The following DOCK5 variants were observed in gnomAD, a reference collection of about 807,000 sequenced individuals.
DOCK5 encodes the protein dedicator of cytokinesis protein 5.
A neutral mutation model predicts 251.8 loss-of-function variants in DOCK5; 142 were observed. The observed-to-expected ratio is 0.56, with a 90% CI of 0.49 to 0.65. The LOEUF is 0.65. DOCK5 is among the 30% of genes least tolerant of loss of function. The pLI, the probability that DOCK5 is intolerant of heterozygous loss-of-function variation, is 0.00. For missense variants in DOCK5, 2,111 were observed against 2,312.3 expected (o/e 0.91, Z 1.79); for synonymous variants, 842 against 835.5 (o/e 1.01, Z -0.13).
At chr8:25,341,541 G>A (rs1586344229) in intron 23 of DOCK5, among the ~76,000 whole-genome samples, 198 bp from the exon 24 acceptor site, 1 of 152,154 alleles carries the variant, frequency 6.6e-6, no homozygotes, top group Non-Finnish European at 1.5e-5. Context: ...CCAGAAAGCT[G>A]TACCCCCTGG....
At position 25,332,707 on chromosome 8, in the gene DOCK5, A is replaced by G. The variant is rs1029780617; in HGVS notation, c.2091+15A>G. 7 of 1,585,436 alleles carry G rather than the reference A, an allele frequency of 4.4e-6. No homozygotes were observed. Among genetic ancestry groups the G allele is most frequent in the Non-Finnish European group, 6.0e-6 (7 of 1,162,198 alleles). ...TTGACGCACTGGTAAGCAGTTAAAC[A>G]TATTAACTAGTGTTTATTGTTGCAA... On this transcript the variant is annotated intron_variant, in intron 20 of 51. Transcript: ENST00000276440.
At chr8:25,274,480 G>A (rs184011649) in intron 3 of DOCK5, among the ~76,000 whole-genome samples, 46 of 152,314 alleles carry the variant, frequency 3.0e-4, no homozygotes, top group African/African-American at 1.1e-3. Context: ...TCACATCTGG[G>A]ACTTGCTTCC....
intron 48 of DOCK5, among the ~76,000 whole-genome samples, chr8:25,405,064 G>A (rs1801500219): frequency 6.6e-6 from 1 of 151,980 alleles, no homozygotes; most frequent in Admixed American, 6.6e-5. Context: ...CTGTTGAATT[G>A]TTGGCCCTTT....
chr8:25,357,373 C>CTTTTT (rs397891518), intron 27 of DOCK5, among the ~76,000 whole-genome samples: 4 of 92,626 alleles, frequency 4.3e-5, no homozygotes, highest in African/African-American at 1.2e-4. Flanking sequence ...AAAAAATAAA[C>CTTTTT]TTTTTTTTTT....
chr8:25,282,432 T>G (rs1275521676), intron 5 of DOCK5, among the ~76,000 whole-genome samples: 1 of 152,310 alleles, frequency 6.6e-6, no homozygotes, highest in East Asian at 1.9e-4. Flanking sequence ...TGTTTTTGCT[T>G]TCTGATTCTG....
At position 25,184,836 on chromosome 8, in the gene DOCK5, G is replaced by T; in HGVS notation, c.-73G>T. The T allele has an allele frequency of 1.6e-6, 2 of 1,243,216 alleles. No individual in the cohort carries two copies. The highest frequency in any genetic ancestry group is 2.0e-6 in the Non-Finnish European group (2 of 978,504). The allele number at this position is 1,243,216 out of a possible 1,614,324, so 77.0% of individuals were successfully genotyped here. On this transcript the variant is annotated 5_prime_UTR_variant, in exon 1 of 52. Transcript: ENST00000276440. ...AAGCGTCTGGGGCACGCAGGAGCGC[G>T]GGGCGGCGGCGGCCGGAGCCCGAGG...
At chr8:25,370,620 T>C (rs537578422) in intron 34 of DOCK5, among the ~76,000 whole-genome samples, 2 of 152,064 alleles carry the variant, frequency 1.3e-5, no homozygotes, top group Non-Finnish European at 2.9e-5. Flanking sequence ...TCCTCCCGCC[T>C]CAGACTCCCA....
At chr8:25,275,044 G>T (rs1433674303) in intron 3 of DOCK5, among the ~76,000 whole-genome samples, 1 of 152,078 alleles carries the variant, frequency 6.6e-6, no homozygotes, top group Non-Finnish European at 1.5e-5. Context: ...TGAAACTTAT[G>T]GGAAGCATCT....
At chr8:25,392,116 A>C (rs1292031655) in intron 43 of DOCK5, 136 bp downstream of exon 43, 1 of 793,476 alleles carries the variant, frequency 1.3e-6, no homozygotes, top group Non-Finnish European at 2.0e-6. Flanking sequence ...ATCCTGGCTA[A>C]TACGGTGAAA....
chr8:25,410,215 C>T lies in DOCK5; in HGVS notation c.5508+13C>T, dbSNP rs766577009. On this transcript the variant is annotated intron_variant, in intron 51 of 51. Coordinates refer to ENST00000276440, the MANE Select transcript of DOCK5 (RefSeq NM_024940.8). ...GAACTCCACTGAGGTAGGGAAATCA[C>T]AGCTGGCAACTGTGGCCAGGGAGCG... 2 of 1,609,838 alleles carry T rather than the reference C, an allele frequency of 1.2e-6. No homozygotes were observed. The highest frequency in any genetic ancestry group is 1.7e-6 in the Non-Finnish European group (2 of 1,176,848).
chr8:25,363,692 A>C (rs182100373), intron 29 of DOCK5, among the ~76,000 whole-genome samples: 7 of 152,330 alleles, frequency 4.6e-5, no homozygotes, highest in African/African-American at 1.7e-4. Flanking sequence ...GTGCCAAACT[A>C]ACTAGTTGCT....
At chr8:25,308,558 G>C (rs1805006829) in intron 11 of DOCK5, among the ~76,000 whole-genome samples, 1 of 152,106 alleles carries the variant, frequency 6.6e-6, no homozygotes, top group Admixed American at 6.5e-5. Flanking sequence ...CCAGTTTTGT[G>C]TACTCTTGGG....
chr8:25,202,915 T>C (rs977926050), intron 1 of DOCK5, among the ~76,000 whole-genome samples: 5 of 152,152 alleles, frequency 3.3e-5, no homozygotes, highest in Non-Finnish European at 7.3e-5. Context: ...TTTTGGACCT[T>C]GAGTACCTGA....
At chr8:25,354,764 A>G (rs1586355980) in intron 27 of DOCK5, among the ~76,000 whole-genome samples, 1 of 152,254 alleles carries the variant, frequency 6.6e-6, no homozygotes, top group South Asian at 2.1e-4. Context: ...ATTAGGAAAT[A>G]CATTTATAAA....
rs1275683008 is a variant in DOCK5, at chr8:25,368,195, T to C, written c.3228T>C (p.Tyr1076=). Residue 1076 remains tyrosine, a synonymous_variant, in exon 32 of 52, where the codon TAT becomes TAC. Transcript: ENST00000276440. ...QAKRNKIVKK[Y]GDMRKEIGFR... ...TAGTTTATGATCTTCTTCCTAGATA[T>C]GGGGACATGAGAAAGGAAATCGGCT... 3 of 1,611,884 alleles carry C rather than the reference T, an allele frequency of 1.9e-6. No homozygotes were observed. The highest frequency in any genetic ancestry group is 2.5e-6 in the Non-Finnish European group (3 of 1,178,822).
intron 30 of DOCK5, among the ~76,000 whole-genome samples, chr8:25,365,968 A>G (rs759071908): frequency 2.0e-5 from 3 of 152,210 alleles, no homozygotes; most frequent in Non-Finnish European, 4.4e-5. Context: ...AATGGAATTG[A>G]GCTGTGCAGT....
intron 3 of DOCK5, chr8:25,270,692 A>G (rs528978400): frequency 1.8e-4 from 89 of 483,358 alleles, no homozygotes; most frequent in Non-Finnish European, 3.1e-4. Context: ...CTTCTTTTTC[A>G]TAGACTACAG....
At chr8:25,405,474 A>G (rs962508710) in intron 48 of DOCK5, among the ~76,000 whole-genome samples, 2 of 151,880 alleles carry the variant, frequency 1.3e-5, no homozygotes, top group Non-Finnish European at 1.5e-5. Flanking sequence ...AAATTTCCAC[A>G]TACTCTTTAG....
At chr8:25,294,192 C>A (rs555942898) in intron 6 of DOCK5, among the ~76,000 whole-genome samples, 1 of 152,134 alleles carries the variant, frequency 6.6e-6, no homozygotes, top group Non-Finnish European at 1.5e-5. Flanking sequence ...TCTTGGAAGT[C>A]GCTCAGGAAA....
Sources: gnomAD v4.1 joint callset for allele counts (sites outside exome capture counted in the v4.1 genomes callset) on GRCh38, gnomAD v4.1.1 for gene constraint, MANE v1.5 for transcripts, NCBI Gene and HGNC (gene_info 2026-07-23, HGNC 2026-07-21) for gene names.